WDPCP: variants seen among roughly 807,000 people sequenced by gnomAD.
The protein encoded by WDPCP is WD repeat containing planar cell polarity effector.
WDPCP carries 71 observed loss-of-function variants against 93.1 expected under a neutral mutation model. The ratio of observed to expected loss-of-function variants is 0.76; its 90% confidence interval spans 0.63 to 0.93. WDPCP has a LOEUF of 0.93. WDPCP is among the 40% of genes least tolerant of loss of function. The pLI, the probability that WDPCP is intolerant of heterozygous loss-of-function variation, is 0.00. For synonymous variants in WDPCP, 315 were observed against 315.0 expected (o/e 1.00, Z 0.00); for missense variants, 844 against 887.4 (o/e 0.95, Z 0.62).
intron 2 of WDPCP, among the ~76,000 whole-genome samples, chr2:63,732,123 G>C (rs77897787): frequency 0.023 from 3,470 of 152,266 alleles, 55 homozygotes; most frequent in African/African-American, 0.038. Flanking sequence ...CAATAAAGTA[G>C]AAGCCAAATC....
chr2:63,360,922 C>T (rs145509015), intron 12 of WDPCP, among the ~76,000 whole-genome samples: 5 of 152,284 alleles, frequency 3.3e-5, no homozygotes, highest in Non-Finnish European at 5.9e-5. Context: ...CCCTAAGTCA[C>T]GGCTCTAATT....
intron 6 of WDPCP, among the ~76,000 whole-genome samples, chr2:63,473,527 C>G (rs1344406299): frequency 7.9e-5 from 12 of 152,132 alleles, no homozygotes; most frequent in Non-Finnish European, 5.9e-5. Flanking sequence ...TTGTGCCTTT[C>G]TGGGGTTCTA....
chr2:63,373,445 G>A (rs549515894), intron 12 of WDPCP, among the ~76,000 whole-genome samples: 1 of 151,296 alleles, frequency 6.6e-6, no homozygotes, highest in African/African-American at 2.4e-5. Flanking sequence ...TTGTAGAGAC[G>A]GGGTCTCACT....
chr2:63,589,445 G>A, upstream of WDPCP: 1 of 1,485,388 alleles, frequency 6.7e-7, no homozygotes, highest in East Asian at 2.5e-5. Flanking sequence ...TGCCCACAGT[G>A]TTTATAACGG....
chr2:63,414,460 T>C (rs1558599804), intron 9 of WDPCP, among the ~76,000 whole-genome samples: 2 of 142,774 alleles, frequency 1.4e-5, no homozygotes. Context: ...GATATATATA[T>C]ACACACACAT....
intron 13 of WDPCP, among the ~76,000 whole-genome samples, chr2:63,264,715 A>T (rs1042317350): frequency 6.6e-6 from 1 of 152,220 alleles, no homozygotes; most frequent in African/African-American, 2.4e-5. Context: ...AACTACAATT[A>T]AAAAAATGGA....
chr2:63,600,952 A>C (rs1002239752), intron 3 of WDPCP, among the ~76,000 whole-genome samples: 1 of 152,170 alleles, frequency 6.6e-6, no homozygotes, highest in African/African-American at 2.4e-5. Flanking sequence ...TTGTTGTTTC[A>C]CCTGAGGCTT....
intron 2 of WDPCP, among the ~76,000 whole-genome samples, chr2:63,680,340 C>G (rs968107143): frequency 1.3e-5 from 2 of 152,232 alleles, no homozygotes; most frequent in Non-Finnish European, 2.9e-5. Flanking sequence ...CCCCCTCCCC[C>G]ATTCAGCAGC....
At chr2:63,192,388 A>T (rs1436822843) in intron 14 of WDPCP, among the ~76,000 whole-genome samples, 3 of 152,236 alleles carry the variant, frequency 2.0e-5, no homozygotes, top group Non-Finnish European at 4.4e-5. Context: ...GTGAAAAAAA[A>T]TGTAAAGGAC....
chr2:63,446,382 G>A (rs1697869359), intron 6 of WDPCP, among the ~76,000 whole-genome samples: 1 of 152,180 alleles, frequency 6.6e-6, no homozygotes, highest in Non-Finnish European at 1.5e-5. Flanking sequence ...TTGGCCACCA[G>A]GAGACATGAC....
chr2:63,307,284 A>T (rs533769678), intron 13 of WDPCP, among the ~76,000 whole-genome samples: 1 of 152,262 alleles, frequency 6.6e-6, no homozygotes, highest in Non-Finnish European at 1.5e-5. Flanking sequence ...GATAGGAAGA[A>T]TCAATATCAT....
chr2:63,361,160 T>C (rs1466489982), intron 12 of WDPCP, among the ~76,000 whole-genome samples: 1 of 152,150 alleles, frequency 6.6e-6, no homozygotes, highest in Admixed American at 6.5e-5. Context: ...TTAGAACAGA[T>C]TAAAGTTCTT....
chr2:63,587,277 C>T (rs966112968), intron 1 of WDPCP, among the ~76,000 whole-genome samples: 2 of 152,008 alleles, frequency 1.3e-5, no homozygotes, highest in East Asian at 1.9e-4. Context: ...AATACAGGCA[C>T]CCCAATGTTA....
chr2:63,256,785 C>T (rs1278962125), intron 14 of WDPCP, among the ~76,000 whole-genome samples: 4 of 152,032 alleles, frequency 2.6e-5, no homozygotes, highest in African/African-American at 7.2e-5. Context: ...ATGCAACATA[C>T]GAAAGATTCT....
At chr2:63,367,893 G>C (rs1237514647) in intron 12 of WDPCP, among the ~76,000 whole-genome samples, 1 of 152,094 alleles carries the variant, frequency 6.6e-6, no homozygotes, top group African/African-American at 2.4e-5. Flanking sequence ...TGATCAAAGT[G>C]TTCATTAAAG....
At chr2:63,358,485 G>A (rs1690188839) in intron 12 of WDPCP, among the ~76,000 whole-genome samples, 1 of 152,142 alleles carries the variant, frequency 6.6e-6, no homozygotes, top group African/African-American at 2.4e-5. Flanking sequence ...CTCTTTGGTA[G>A]AGACAGGGTC....
intron 14 of WDPCP, among the ~76,000 whole-genome samples, chr2:63,188,505 GT>G (rs201820789): frequency 7.5e-5 from 11 of 146,494 alleles, no homozygotes; most frequent in African/African-American, 7.5e-5. Flanking sequence ...GTTTATTTTT[GT>G]TTTTTTTTCA....
chr2:63,386,705 T>C (rs1692755493), intron 10 of WDPCP, among the ~76,000 whole-genome samples: 1 of 152,076 alleles, frequency 6.6e-6, no homozygotes, highest in Admixed American at 6.6e-5. Flanking sequence ...AATGAAAATA[T>C]ATGTTCATAC....
intron 14 of WDPCP, among the ~76,000 whole-genome samples, chr2:63,233,752 G>T (rs1382472755): frequency 3.3e-5 from 5 of 152,018 alleles, no homozygotes; most frequent in Non-Finnish European, 5.9e-5. Context: ...TCTGGTCCAG[G>T]AGTGCTCAGA....
Sources: allele counts gnomAD v4.1 joint callset (sites outside exome capture counted in the v4.1 genomes callset), GRCh38; gene constraint gnomAD v4.1.1; transcripts MANE v1.5; gene names NCBI Gene and HGNC (gene_info 2026-07-23, HGNC 2026-07-21).